SNX29: variants seen among roughly 807,000 people sequenced by gnomAD.
SNX29 encodes sorting nexin 29, also known as sorting nexin-29.
In SNX29, 78 loss-of-function variants were observed where a neutral mutation model predicts 102.1. The ratio of observed to expected loss-of-function variants is 0.76; its 90% confidence interval spans 0.64 to 0.92. SNX29 has a LOEUF of 0.92. SNX29 is among the 40% of genes least tolerant of loss of function. The pLI is 0.00. For missense variants in SNX29, 1,280 were observed against 1,061.7 expected, an observed-to-expected ratio of 1.21 and a Z score of -2.86; for synonymous variants, 580 against 414.5, an observed-to-expected ratio of 1.40 and a Z score of -4.85.
At chr16:12,326,580 A>G (rs1159131723) in intron 15 of SNX29, among the ~76,000 whole-genome samples, 4 of 152,154 alleles carry the variant, frequency 2.6e-5, no homozygotes, top group Non-Finnish European at 4.4e-5. Flanking sequence ...ATTGTGTTCC[A>G]AGAAAACTTT....
intron 20 of SNX29, among the ~76,000 whole-genome samples, chr16:12,540,111 G>C (rs1436357143): frequency 6.6e-6 from 1 of 152,190 alleles, no homozygotes; most frequent in African/African-American, 2.4e-5. Context: ...AGGTCATAAA[G>C]ATTTTCTCCT....
intron 11 of SNX29, among the ~76,000 whole-genome samples, chr16:12,123,802 T>C (rs1305446383): frequency 1.3e-5 from 2 of 152,198 alleles, no homozygotes; most frequent in Non-Finnish European, 2.9e-5. Context: ...TGGAAAGGGC[T>C]GGACAGTAGA....
At chr16:12,051,194 T>A (rs2050283710) in intron 7 of SNX29, among the ~76,000 whole-genome samples, 1 of 152,090 alleles carries the variant, frequency 6.6e-6, no homozygotes, top group South Asian at 2.1e-4. Flanking sequence ...CTGGGTGTTG[T>A]GGCATGCACC....
At chr16:12,168,928 G>T (rs918952591) in intron 13 of SNX29, among the ~76,000 whole-genome samples, 2 of 152,154 alleles carry the variant, frequency 1.3e-5, no homozygotes, top group African/African-American at 4.8e-5. Flanking sequence ...CCTGGGTTGT[G>T]GGGTGAGGAG....
At chr16:12,007,270 T>G (rs973639226) in intron 3 of SNX29, among the ~76,000 whole-genome samples, 1 of 152,140 alleles carries the variant, frequency 6.6e-6, no homozygotes, top group Non-Finnish European at 1.5e-5. Flanking sequence ...TTTGGGAGGC[T>G]GAGGCAGGCG....
intron 18 of SNX29, among the ~76,000 whole-genome samples, chr16:12,414,585 G>T (rs1219974623): frequency 6.6e-6 from 1 of 152,130 alleles, no homozygotes; most frequent in Non-Finnish European, 1.5e-5. Context: ...AAGTTCCCTG[G>T]TTGTAGCCAG....
intron 10 of SNX29, among the ~76,000 whole-genome samples, chr16:12,074,637 T>G (rs914910970): frequency 4.6e-5 from 7 of 152,182 alleles, no homozygotes; most frequent in African/African-American, 1.7e-4. Flanking sequence ...CTGACAATTA[T>G]GTGTCTTGGA....
At chr16:12,545,547 C>G (rs2077556239) in intron 20 of SNX29, 1 of 152,196 alleles carries the variant, frequency 6.6e-6, no homozygotes, top group Non-Finnish European at 1.5e-5. Context: ...CAGCAGACGA[C>G]TTATGGAGAA....
At chr16:12,008,910 T>A (rs1330925682) in intron 3 of SNX29, among the ~76,000 whole-genome samples, 1 of 151,618 alleles carries the variant, frequency 6.6e-6, no homozygotes, top group African/African-American at 2.4e-5. Flanking sequence ...CCTGGGTAAT[T>A]TTTGTATTTT....
chr16:12,511,121 A>G (rs1330848709), intron 19 of SNX29, among the ~76,000 whole-genome samples: 1 of 152,212 alleles, frequency 6.6e-6, no homozygotes, highest in Non-Finnish European at 1.5e-5. Context: ...TCACTGTGCC[A>G]GGAGGAAAGT....
chr16:12,396,801 AC>A (rs1431924463), intron 16 of SNX29, among the ~76,000 whole-genome samples: 2 of 152,224 alleles, frequency 1.3e-5, no homozygotes, highest in African/African-American at 4.8e-5. Context: ...GTAATGTGAT[AC>A]ACACTTAAAT....
At chr16:12,477,268 G>A (rs1250509677) in intron 18 of SNX29, among the ~76,000 whole-genome samples, 1 of 152,118 alleles carries the variant, frequency 6.6e-6, no homozygotes, top group Non-Finnish European at 1.5e-5. Flanking sequence ...TGTGGTGGTC[G>A]GTGTGGTCCC....
intron 14 of SNX29, among the ~76,000 whole-genome samples, chr16:12,202,577 C>G (rs2076938958): frequency 1.3e-5 from 2 of 152,230 alleles, no homozygotes; most frequent in Admixed American, 1.3e-4. Flanking sequence ...GTAACTCTTA[C>G]TGGTCATTTG....
At chr16:12,027,490 T>C (rs771158344) in intron 4 of SNX29, 46 bp downstream of exon 4, 2 of 1,605,530 alleles carry the variant, frequency 1.2e-6, no homozygotes, top group Non-Finnish European at 1.7e-6. Context: ...GTCTTCCTTC[T>C]GCTCTTTTTC....
At chr16:12,375,554 G>A (rs1483211894) in intron 16 of SNX29, 1 of 152,206 alleles carries the variant, frequency 6.6e-6, no homozygotes, top group East Asian at 1.9e-4. Context: ...GCTAACCCGT[G>A]TGGTTGTTGG....
intron 16 of SNX29, among the ~76,000 whole-genome samples, chr16:12,377,767 C>G (rs571417744): frequency 2.0e-5 from 3 of 152,104 alleles, no homozygotes; most frequent in Non-Finnish European, 2.9e-5. Flanking sequence ...CTCATTTAGC[C>G]CATGTGTGTT....
intron 2 of SNX29, 47 bp downstream of exon 2, chr16:11,999,405 A>G: frequency 6.3e-7 from 1 of 1,587,578 alleles, no homozygotes; most frequent in South Asian, 1.1e-5. Flanking sequence ...TAATAGTGTC[A>G]GATAATTAAT....
intron 4 of SNX29, among the ~76,000 whole-genome samples, chr16:12,032,069 T>C (rs576083390): frequency 6.6e-6 from 1 of 152,320 alleles, no homozygotes; most frequent in African/African-American, 2.4e-5. Flanking sequence ...CTCAGTGCAT[T>C]CTACTACTTT....
chr16:12,254,375 G>A (rs1042244664), intron 14 of SNX29, among the ~76,000 whole-genome samples: 1 of 152,168 alleles, frequency 6.6e-6, no homozygotes, highest in South Asian at 2.1e-4. Flanking sequence ...AGGAGGCCAG[G>A]CGCAGTGGCT....
Sources: allele counts gnomAD v4.1 joint callset (sites outside exome capture counted in the v4.1 genomes callset), GRCh38; gene constraint gnomAD v4.1.1; transcripts MANE v1.5; gene names NCBI Gene and HGNC (gene_info 2026-07-23, HGNC 2026-07-21).